ZCCHC7: variants seen among roughly 807,000 people sequenced by gnomAD.
ZCCHC7 encodes zinc finger CCHC-type containing 7.
In ZCCHC7, 35 loss-of-function variants were observed where a neutral mutation model predicts 52.0. The ratio of observed to expected loss-of-function variants is 0.67; its 90% CI spans 0.51 to 0.89. The LOEUF is 0.89. Among genes scored for constraint, ZCCHC7 ranks in the 40% least tolerant of loss-of-function variants. The pLI, the probability that ZCCHC7 is intolerant of heterozygous loss-of-function variation, is 0.00. For synonymous variants in ZCCHC7, 217 were observed against 221.5 expected (o/e 0.98, Z 0.18); for missense variants, 574 against 649.1 (o/e 0.88, Z 1.26).
chr9:37,173,992 A>G (rs1188927141), intron 2 of ZCCHC7, among the ~76,000 whole-genome samples: 1 of 152,176 alleles, frequency 6.6e-6, no homozygotes, highest in East Asian at 1.9e-4. Context: ...AATGTAGAAA[A>G]TTACTTTGTA....
Position 37,304,248 on chromosome 9 carries a change from A to C in ZCCHC7, c.715A>C (p.Lys239Gln), listed in dbSNP as rs1217328717. Residue 239 changes from lysine (K) to glutamine (Q), a missense_variant, in exon 4 of 9, where the codon AAA (lysine) becomes CAA (glutamine). This residue lies in a region of ZCCHC7 where 403 missense variants were observed against 461.2 expected (regional missense o/e 0.87). Transcript: ENST00000336755. ...RWTQRYYSAN[K>Q]NIICRNCDKR... Reference sequence around the variant, plus strand: ...GACCCAGCGGTACTATTCAGCCAACAAAAACATTATCTGTAGAAATTGTGA... The same window carrying C: ...GACCCAGCGGTACTATTCAGCCAACCAAAACATTATCTGTAGAAATTGTGA... The C allele has an allele frequency of 6.2e-7, 1 of 1,614,058 alleles. No individual in the cohort carries two copies. Among genetic ancestry groups the C allele is most frequent in the Admixed American group, 1.7e-5 (1 of 60,024 alleles).
At chr9:37,319,236 T>C (rs1044397297) in intron 5 of ZCCHC7, among the ~76,000 whole-genome samples, 1 of 152,198 alleles carries the variant, frequency 6.6e-6, no homozygotes, top group Non-Finnish European at 1.5e-5. Flanking sequence ...TTCTTCTTAT[T>C]GGCTGTTGAT....
intron 2 of ZCCHC7, among the ~76,000 whole-genome samples, chr9:37,242,088 G>T (rs76806140): frequency 0.051 from 7,698 of 151,716 alleles, 635 homozygotes; most frequent in African/African-American, 0.17. Flanking sequence ...ACTGGCTTTT[G>T]TTATAGGGGT....
At chr9:37,245,416 A>G (rs1383376958) in intron 2 of ZCCHC7, among the ~76,000 whole-genome samples, 2 of 152,058 alleles carry the variant, frequency 1.3e-5, no homozygotes. Flanking sequence ...ATACTAGCAA[A>G]TTATTAGATA....
intron 2 of ZCCHC7, among the ~76,000 whole-genome samples, chr9:37,144,768 A>G (rs1461287638): frequency 6.6e-5 from 10 of 152,006 alleles, no homozygotes; most frequent in Admixed American, 2.0e-4. Context: ...CTTCAAGTCT[A>G]AAGTAAGAGC....
chr9:37,282,478 G>A (rs1006369883), intron 2 of ZCCHC7, among the ~76,000 whole-genome samples: 35 of 151,784 alleles, frequency 2.3e-4, no homozygotes, highest in African/African-American at 6.3e-4. Flanking sequence ...GGTGGTGGGT[G>A]CCTGTAGTCC....
intron 1 of ZCCHC7, 78 bp from the exon 2 acceptor site, chr9:37,126,234 G>GAC: frequency 1.5e-6 from 2 of 1,328,406 alleles, no homozygotes; most frequent in South Asian, 2.9e-5. Context: ...AGTTGTCACT[G>GAC]ACAGGTGATA....
chr9:37,356,685 C>A, intron 8 of ZCCHC7, 150 bp from the exon 9 acceptor site: 1 of 649,138 alleles, frequency 1.5e-6, no homozygotes, highest in Non-Finnish European at 2.4e-6. Context: ...AAACTTGGAG[C>A]TACAACTATT....
intron 7 of ZCCHC7, among the ~76,000 whole-genome samples, chr9:37,350,412 G>A (rs1039317399): frequency 1.3e-5 from 2 of 152,174 alleles, no homozygotes; most frequent in Admixed American, 6.5e-5. Context: ...GGTTACAGGC[G>A]TGAGCCACTG....
intron 2 of ZCCHC7, among the ~76,000 whole-genome samples, chr9:37,239,580 C>T (rs1278124976): frequency 2.0e-5 from 3 of 152,072 alleles, no homozygotes; most frequent in Non-Finnish European, 2.9e-5. Flanking sequence ...TATCTCAGCT[C>T]GGTCTATGAA....
chr9:37,123,277 A>G (rs1017138742), intron 1 of ZCCHC7, among the ~76,000 whole-genome samples: 2 of 152,018 alleles, frequency 1.3e-5, no homozygotes, highest in Admixed American at 1.3e-4. Flanking sequence ...ACACTTTTTA[A>G]AAGGGTAAAT....
chr9:37,327,183 A>T (rs1417828391), intron 5 of ZCCHC7: 1 of 152,130 alleles, frequency 6.6e-6, no homozygotes, highest in African/African-American at 2.4e-5. Context: ...TTACAAGATT[A>T]TCGACGTTTT....
Position 37,356,895 on chromosome 9 carries a change from A to G in ZCCHC7, c.1259A>G (p.Asn420Ser), listed in dbSNP as rs201119091. 4.6e-5 allele frequency: 74 copies of G among 1,612,688 alleles called. No individual in the cohort carries two copies. In the East Asian group the frequency reaches 1.6e-3, roughly 34 times the overall value. ...AAGCTACCTTATATAAAAGCAGCAA[A>G]TGAGAACCCCCACCATGATATAAGG... ...PSKLPYIKAA[N>S]ENPHHDIRKG... Residue 420 changes from asparagine to serine, a missense_variant, in exon 9 of 9, where the codon AAT (asparagine) becomes AGT (serine). Asn to Ser is a conservative substitution (Grantham distance 46, BLOSUM62 1). This residue lies in a region of ZCCHC7 where 168 missense variants were observed against 171.6 expected (regional missense o/e 0.98). Transcript: ENST00000336755.
At chr9:37,291,739 G>A (rs1230511867) in intron 2 of ZCCHC7, among the ~76,000 whole-genome samples, 1 of 152,052 alleles carries the variant, frequency 6.6e-6, no homozygotes, top group African/African-American at 2.4e-5. Flanking sequence ...TGTTGCCCAG[G>A]CTGGAGTGCA....
Position 37,357,334 on chromosome 9 carries a change from G to A in ZCCHC7, c.*66G>A, listed in dbSNP as rs1405573696. ...TGGCCTTTGTGTCTATAACCTTCTGGCACTGTGTTTATTATCTATGATTAA... is the reference window on the plus strand; with the variant it reads ...TGGCCTTTGTGTCTATAACCTTCTGACACTGTGTTTATTATCTATGATTAA... On this transcript the variant is annotated 3_prime_UTR_variant, in exon 9 of 9. Coordinates refer to ENST00000336755, the MANE Select transcript of ZCCHC7 (RefSeq NM_032226.3). 1 of 1,433,744 alleles carries A rather than the reference G, an allele frequency of 7.0e-7. No homozygotes were observed. The highest frequency in any genetic ancestry group is 9.3e-7 in the Non-Finnish European group (1 of 1,069,704). 88.8% of individuals were successfully genotyped at this position (1,433,744 alleles called of 1,614,324 possible). A position where few individuals can be genotyped will look rare whatever the true frequency, so the allele number is the denominator to read the frequency against.
At chr9:37,351,653 T>C (rs1181972249) in intron 7 of ZCCHC7, among the ~76,000 whole-genome samples, 1 of 152,202 alleles carries the variant, frequency 6.6e-6, no homozygotes, top group African/African-American at 2.4e-5. Flanking sequence ...CTTTTACTGC[T>C]CTGTCCATTC....
chr9:37,178,407 A>C (rs991611846), intron 2 of ZCCHC7, among the ~76,000 whole-genome samples: 244 of 23,138 alleles, frequency 0.011, no homozygotes, highest in Non-Finnish European at 0.011. Flanking sequence ...CCTACCCCCC[A>C]CCAAAAAAAA....
intron 2 of ZCCHC7, among the ~76,000 whole-genome samples, chr9:37,247,614 A>G (rs1826134423): frequency 6.6e-6 from 1 of 152,176 alleles, no homozygotes; most frequent in Non-Finnish European, 1.5e-5. Context: ...TTGATAAGAA[A>G]TGAAGTTGGA....
intron 2 of ZCCHC7, among the ~76,000 whole-genome samples, chr9:37,203,692 T>C (rs1301100582): frequency 1.2e-4 from 19 of 152,238 alleles, no homozygotes; most frequent in Admixed American, 1.2e-3. Flanking sequence ...CACATTTTCT[T>C]TATCCAGTCT....
Sources: allele counts gnomAD v4.1 joint callset (sites outside exome capture counted in the v4.1 genomes callset), GRCh38; gene constraint gnomAD v4.1.1; regional missense constraint gnomAD v4.1.1; transcripts MANE v1.5; gene names NCBI Gene and HGNC (gene_info 2026-07-23, HGNC 2026-07-21).